The following IGSF5 variants were observed in gnomAD, a reference collection of about 807,000 sequenced individuals.
The protein encoded by IGSF5 is immunoglobulin superfamily 5 like.
IGSF5 carries 41 observed loss-of-function variants against 39.4 expected under a neutral mutation model. The ratio of observed to expected loss-of-function variants is 1.04; its 90% CI spans 0.81 to 1.35. The LOEUF (loss-of-function observed/expected upper bound fraction) is 1.35. Ranked by LOEUF, IGSF5 falls within the 40% of genes most tolerant of loss-of-function variation. IGSF5 has a pLI of 0.00. For missense variants in IGSF5, 487 were observed against 494.6 expected, an observed-to-expected ratio of 0.98 and a Z score of 0.15; for synonymous variants, 183 against 175.3, an observed-to-expected ratio of 1.04 and a Z score of -0.34.
rs765228096 is a variant in IGSF5, at chr21:39,745,527, G to A, written c.17+1G>A. On this transcript the variant is annotated splice_donor_variant, in intron 1 of 8. Transcript: ENST00000380588. LOFTEE classifies it high-confidence loss of function. Reference sequence around the variant, plus strand: ...CAGGAGGTATGGGTCAGAAGGAAAGGTAAGGGCGCATGCGTGGGCGACTGT... The same window carrying A: ...CAGGAGGTATGGGTCAGAAGGAAAGATAAGGGCGCATGCGTGGGCGACTGT... 15 of 717,176 alleles carry A rather than the reference G, an allele frequency of 2.1e-5. No individual in the cohort carries two copies. Among genetic ancestry groups the A allele is most frequent in the South Asian group, 1.9e-4 (13 of 67,590 alleles). 44.4% of individuals were successfully genotyped at this position (717,176 alleles called of 1,614,324 possible). A position where few individuals can be genotyped will look rare whatever the true frequency, so the allele number is the denominator to read the frequency against.
At chr21:39,726,408 G>T in the IGSF5 span, among the ~76,000 whole-genome samples, 2 of 152,188 alleles carry the variant, frequency 1.3e-5, no homozygotes, top group African/African-American at 4.8e-5. Flanking sequence ...CTTGGAGTGC[G>T]CAGAAGACAC....
intron 8 of IGSF5, among the ~76,000 whole-genome samples, chr21:39,798,146 C>T (rs1315160611): frequency 6.6e-6 from 1 of 152,168 alleles, no homozygotes; most frequent in East Asian, 1.9e-4. Context: ...GGTGTTTAAG[C>T]AGCTCTGCTT....
chr21:39,724,067 AAAAATAAAATAAAAT>A, the IGSF5 span, among the ~76,000 whole-genome samples: 39,519 of 136,754 alleles, frequency 0.29, 6,122 homozygotes, highest in Middle Eastern at 0.45. Flanking sequence ...CCCTGTCTCA[AAAAATAAAATAAAAT>A]AAAATAAAAT....
chr21:39,746,885 G>A (rs413515), intron 2 of IGSF5, among the ~76,000 whole-genome samples: 109,437 of 152,094 alleles, frequency 0.72, 41,685 homozygotes, highest in Non-Finnish European at 0.84. Context: ...CATTCCTCAG[G>A]ACTTGCCTGG....
chr21:39,796,609 G>A (rs553515902), intron 8 of IGSF5, among the ~76,000 whole-genome samples: 12 of 152,300 alleles, frequency 7.9e-5, no homozygotes, highest in East Asian at 7.7e-4. Context: ...AGCTGCTGCC[G>A]CATGTTTTGC....
At chr21:39,762,636 A>G (rs1283581948) in intron 2 of IGSF5, among the ~76,000 whole-genome samples, 1 of 152,208 alleles carries the variant, frequency 6.6e-6, no homozygotes, top group Non-Finnish European at 1.5e-5. Flanking sequence ...AATTTACCCC[A>G]TGAGTCAGCT....
chr21:39,733,408 T>C, the IGSF5 span, among the ~76,000 whole-genome samples: 4,245 of 152,284 alleles, frequency 0.028, 197 homozygotes, highest in African/African-American at 0.096. Context: ...AAAGTACACA[T>C]AGGTGTCCAA....
rs996634026 is a variant in IGSF5 at position 39,797,911 on chromosome 21, G to A, written c.1129-3351G>A. Among the ~76,000 whole-genome samples the A allele has an allele frequency of 5.9e-5, 9 of 152,158 alleles. 1 individual carries two copies. Among genetic ancestry groups the A allele is most frequent in the Admixed American group, 4.6e-4 (7 of 15,274 alleles). ...ATATACAACCTAAAAATAACATCAC[G>A]TTTTGGGTCATTTAGAAAAGTTAAA... On this transcript the variant is annotated intron_variant, in intron 8 of 8. Coordinates refer to ENST00000380588, the MANE Select transcript of IGSF5 (RefSeq NM_001080444.2).
rs150200002 is a variant in IGSF5, at chr21:39,784,874, C to T, written c.935-3293C>T. Reference sequence around the variant, plus strand: ...ATCCAGAGATTTCTCAGTAAGCCGACGGATTAACTGACCACATAGGAATGG... The same window carrying T: ...ATCCAGAGATTTCTCAGTAAGCCGATGGATTAACTGACCACATAGGAATGG... On this transcript the variant is annotated intron_variant, in intron 5 of 8. Coordinates refer to ENST00000380588, the MANE Select transcript of IGSF5 (RefSeq NM_001080444.2). Among the ~76,000 whole-genome samples, 113 of 152,120 alleles carry T rather than the reference C, an allele frequency of 7.4e-4. No homozygotes were observed. The Middle Eastern group carries it at 0.01, about 14-fold the overall frequency.
intron 7 of IGSF5, among the ~76,000 whole-genome samples, chr21:39,792,383 G>A (rs754575267): frequency 5.3e-5 from 8 of 152,102 alleles, no homozygotes; most frequent in Non-Finnish European, 1.2e-4. Context: ...CTGCCATAGG[G>A]TGGGGGGAAG....
In IGSF5 at chr21:39,745,360, T is replaced by C; in HGVS notation, c.-150T>C. ...CCTGAGGACGCAGCGTAGGGCTTCCTTAGATCCCTTTGGAGATACAACCTG... is the reference window on the plus strand; with the variant it reads ...CCTGAGGACGCAGCGTAGGGCTTCCCTAGATCCCTTTGGAGATACAACCTG... On this transcript the variant is annotated 5_prime_UTR_variant, in exon 1 of 9. Coordinates refer to ENST00000380588, the MANE Select transcript of IGSF5 (RefSeq NM_001080444.2). 3 of 577,880 alleles carry C rather than the reference T, an allele frequency of 5.2e-6. No homozygotes were observed. In the South Asian group the frequency reaches 5.8e-5, roughly 11 times the overall value. 35.8% of individuals were successfully genotyped at this position (577,880 alleles called of 1,614,324 possible).
Position 39,750,636 on chromosome 21 carries a change from G to A in IGSF5, c.100+4338G>A, listed in dbSNP as rs185977891. Reference sequence around the variant, plus strand: ...TGTTCATCTCCTAGCACTTGAGGGTGGGGGGTTGGAGCTCTGCCCTATCCA... The same window carrying A: ...TGTTCATCTCCTAGCACTTGAGGGTAGGGGGTTGGAGCTCTGCCCTATCCA... On this transcript the variant is annotated intron_variant, in intron 2 of 8. Coordinates refer to ENST00000380588, the MANE Select transcript of IGSF5 (RefSeq NM_001080444.2). Among the ~76,000 whole-genome samples the A allele has an allele frequency of 5.0e-4, 63 of 125,146 alleles. No individual in the cohort carries two copies. In the East Asian group the frequency reaches 0.01, roughly 21 times the overall value. 82.1% of individuals were successfully genotyped at this position (125,146 alleles called of 152,430 possible).
rs141053281 is a variant in IGSF5 at position 39,776,750 on chromosome 21, T to C, written c.719-2340T>C. ...TTGGCACACTCGTATTTCTGTCTAGTAGGGGAAGGAAAGTACTGATAGAGA... is the reference window on the plus strand; with the variant it reads ...TTGGCACACTCGTATTTCTGTCTAGCAGGGGAAGGAAAGTACTGATAGAGA... On this transcript the variant is annotated intron_variant, in intron 4 of 8. Transcript: ENST00000380588. 3.9e-4 allele frequency among the ~76,000 whole-genome samples: 60 copies of C among 152,316 alleles called. No homozygotes were observed. The East Asian group carries it at 0.011, about 27-fold the overall frequency.
At chr21:39,728,945 G>C in the IGSF5 span, among the ~76,000 whole-genome samples, 1 of 152,226 alleles carries the variant, frequency 6.6e-6, no homozygotes, top group South Asian at 2.1e-4. Flanking sequence ...TGCACTATTT[G>C]TGACCCCAAA....
At chr21:39,765,984 G>A in intron 3 of IGSF5, 132 bp downstream of exon 3, 1 of 790,390 alleles carries the variant, frequency 1.3e-6, no homozygotes, top group Admixed American at 2.7e-5. Context: ...CAATTATTCT[G>A]AACTGATGAA....
At chr21:39,717,066 A>C in the IGSF5 span, among the ~76,000 whole-genome samples, 6 of 152,030 alleles carry the variant, frequency 3.9e-5, no homozygotes, top group Non-Finnish European at 5.9e-5. Flanking sequence ...ATGGTATCTC[A>C]CTGTGGTTTT....
At chr21:39,756,974 C>T (rs1262783711) in intron 2 of IGSF5, among the ~76,000 whole-genome samples, 2 of 152,056 alleles carry the variant, frequency 1.3e-5, no homozygotes, top group African/African-American at 2.4e-5. Context: ...ACTCTGACCT[C>T]ACTCCTTCCA....
rs60669244 is a variant in IGSF5, at chr21:39,748,301, C to CTTTTTTT, written c.100+2024_100+2030dup. Among the ~76,000 whole-genome samples, 164 of 58,238 alleles carry CTTTTTTT rather than the reference C, an allele frequency of 2.8e-3. 34 individuals carry two copies. The highest frequency in any genetic ancestry group is 4.1e-3 in the African/African-American group (64 of 15,492). 38.2% of individuals were successfully genotyped at this position (58,238 alleles called of 152,430 possible). On this transcript the variant is annotated intron_variant, in intron 2 of 8. Transcript: ENST00000380588. The stretch of plus-strand genomic sequence containing the variant: ...TGTGCAAGTGAAGAGAAAACAAGAT[C>CTTTTTTT]TTTTTTTTTTTTTTTTTTTTTTTTT...
chr21:39,748,166 A>G (rs1163856334), intron 2 of IGSF5, among the ~76,000 whole-genome samples: 2 of 152,164 alleles, frequency 1.3e-5, no homozygotes, highest in South Asian at 2.1e-4. Context: ...TCCAGAAGCT[A>G]GAAGTCCAAG....
Sources: gnomAD v4.1 joint callset for allele counts (sites outside exome capture counted in the v4.1 genomes callset) on GRCh38, gnomAD v4.1.1 for gene constraint, MANE v1.5 for transcripts, NCBI Gene and HGNC (gene_info 2026-07-23, HGNC 2026-07-21) for gene names.